Variants in FRYL observed in about 807,000 individuals in gnomAD.
FRYL encodes the protein FRY like transcription coactivator.
A neutral mutation model predicts 351.2 loss-of-function variants in FRYL; 150 were observed. The ratio of observed to expected loss-of-function variants is 0.43; its 90% confidence interval spans 0.37 to 0.49. The LOEUF is 0.49. Ranked by LOEUF, FRYL falls within the 20% of genes least tolerant of loss-of-function variation. The pLI, the probability that FRYL is intolerant of heterozygous loss-of-function variation, is 0.00. For missense variants in FRYL, 3,036 were observed against 3,619.3 expected, an observed-to-expected ratio of 0.84 and a Z score of 4.13; for synonymous variants, 1,153 against 1,257.1, an observed-to-expected ratio of 0.92 and a Z score of 1.75.
intron 1 of FRYL, among the ~76,000 whole-genome samples, chr4:48,718,766 T>C (rs954608): frequency 0.033 from 4,929 of 151,502 alleles, 310 homozygotes; most frequent in African/African-American, 0.11. Context: ...GCATTTTTTT[T>C]CACATATCTC....
At chr4:48,739,566 A>G (rs113280799) in intron 1 of FRYL, among the ~76,000 whole-genome samples, 1 of 152,152 alleles carries the variant, frequency 6.6e-6, no homozygotes, top group South Asian at 2.1e-4. Context: ...CACAAAAAAA[A>G]AACTCAAAAT....
chr4:48,610,658 GTA>G (rs887126960), intron 7 of FRYL, among the ~76,000 whole-genome samples: 11 of 141,374 alleles, frequency 7.8e-5, no homozygotes, highest in African/African-American at 2.9e-4. Flanking sequence ...TGTATATATT[GTA>G]TATATACATA....
intron 26 of FRYL, chr4:48,571,734 C>T (rs1738374980): frequency 3.1e-6 from 3 of 971,406 alleles, no homozygotes; most frequent in South Asian, 9.5e-5. Context: ...TCATTTGAAA[C>T]AGGATGATTT....
intron 18 of FRYL, among the ~76,000 whole-genome samples, chr4:48,589,377 ATT>A (rs58252414): frequency 0.48 from 70,605 of 146,632 alleles, 17,024 homozygotes; most frequent in Admixed American, 0.61. Flanking sequence ...GATTTTCAGG[ATT>A]TTTTTTTTTT....
intron 27 of FRYL, among the ~76,000 whole-genome samples, chr4:48,568,918 C>A (rs1737538665): frequency 6.6e-6 from 1 of 152,086 alleles, no homozygotes; most frequent in Admixed American, 6.5e-5. Flanking sequence ...ACTAGGTGAA[C>A]AAAACAAAGC....
intron 3 of FRYL, among the ~76,000 whole-genome samples, chr4:48,676,547 ATTTTTTT>A (rs60426434): frequency 2.2e-5 from 3 of 136,112 alleles, no homozygotes; most frequent in Non-Finnish European, 3.2e-5. Flanking sequence ...AGGCCCGGCT[ATTTTTTT>A]TTTTTTTTTT....
chr4:48,594,110 T>C (rs941363093), intron 15 of FRYL, 94 bp from the exon 16 acceptor site: 3 of 680,496 alleles, frequency 4.4e-6, no homozygotes, highest in Non-Finnish European at 7.0e-6. Context: ...CAAGACAGGT[T>C]TGTGCCCTTA....
At chr4:48,695,914 A>G (rs1766115129) in intron 2 of FRYL, among the ~76,000 whole-genome samples, 1 of 152,236 alleles carries the variant, frequency 6.6e-6, no homozygotes, top group Non-Finnish European at 1.5e-5. Context: ...CAGCCAACAA[A>G]TATATGAAAA....
chr4:48,632,448 A>G (rs1174288219), intron 4 of FRYL, among the ~76,000 whole-genome samples: 1 of 150,736 alleles, frequency 6.6e-6, no homozygotes, highest in African/African-American at 2.4e-5. Context: ...GAAAACTAAC[A>G]TTTTGTAGTT....
chr4:48,677,771 A>G (rs1763959684), intron 3 of FRYL, among the ~76,000 whole-genome samples: 1 of 152,242 alleles, frequency 6.6e-6, no homozygotes, highest in Admixed American at 6.5e-5. Context: ...AACTGATTCA[A>G]GTATAAAGCT....
At chr4:48,713,021 G>C (rs1015932117) in intron 1 of FRYL, among the ~76,000 whole-genome samples, 2 of 151,884 alleles carry the variant, frequency 1.3e-5, no homozygotes, top group African/African-American at 4.8e-5. Flanking sequence ...TTACAGACAA[G>C]CAAATGCTGA....
At position 48,510,942 on chromosome 4, in the gene FRYL, T is replaced by C; in HGVS notation, c.8188A>G (p.Ser2730Gly). The stretch of plus-strand genomic sequence containing the variant: ...CGTTGCAGACTATCACCAAGAAAGC[T>C]GACTGCCTCATTAGTTATTTCTCCA... Reference protein sequence around the residue: ...KFGEITNEAVSFLGDSLQRIG... With the variant: ...KFGEITNEAVGFLGDSLQRIG... The change falls in exon 58 of 64, where the codon AGC becomes GGC. Residue 2730 changes from serine (S) to glycine (G), a missense_variant. Around this residue, in one of 7 missense-constraint regions of FRYL, gnomAD observed 1,987 missense variants for 2,311.7 expected, o/e 0.86. Coordinates refer to ENST00000358350, the MANE Select transcript of FRYL (RefSeq NM_015030.2). 1 of 1,612,774 alleles carries C rather than the reference T, an allele frequency of 6.2e-7. No homozygotes were observed. The highest frequency in any genetic ancestry group is 8.5e-7 in the Non-Finnish European group (1 of 1,179,060).
At position 48,527,546 on chromosome 4, in the gene FRYL, A is replaced by T; in HGVS notation, c.7248T>A (p.Asn2416Lys). ...NQEEEVAVEDNSSEQQFGVFK... is the reference protein window; with the variant it reads ...NQEEEVAVEDKSSEQQFGVFK... ...AAACACCAAACTGTTGTTCACTGCT[A>T]TTATCTTCCACAGCTACTTCTTCCT... Residue 2416 changes from asparagine to lysine, a missense_variant, in exon 53 of 64, where the codon AAT (asparagine) becomes AAA (lysine). Physicochemically the swap from Asn to Lys is moderately conservative, Grantham distance 94. This residue lies in a region of FRYL where 1,987 missense variants were observed against 2,311.7 expected (regional missense o/e 0.86). Coordinates refer to ENST00000358350, the MANE Select transcript of FRYL (RefSeq NM_015030.2). 1 of 1,613,224 alleles carries T rather than the reference A, an allele frequency of 6.2e-7. No individual in the cohort carries two copies. Among genetic ancestry groups the T allele is most frequent in the Non-Finnish European group, 8.5e-7 (1 of 1,179,506 alleles).
At chr4:48,611,211 C>T (rs1182535916) in intron 7 of FRYL, among the ~76,000 whole-genome samples, 1 of 152,026 alleles carries the variant, frequency 6.6e-6, no homozygotes, top group Non-Finnish European at 1.5e-5. Flanking sequence ...CACTTTAAAT[C>T]ATCTCTATCT....
intron 1 of FRYL, among the ~76,000 whole-genome samples, chr4:48,726,438 T>C (rs1340485688): frequency 6.6e-6 from 1 of 152,096 alleles, no homozygotes; most frequent in African/African-American, 2.4e-5. Flanking sequence ...TCCCAGCACT[T>C]TGGGAGGCCG....
chr4:48,540,519 C>T lies in FRYL; in HGVS notation c.6129G>A (p.Lys2043=). ...LPLDKSESRE[K]IENVQSKLKW... ...TCAATTTGCTTTGTACATTTTCAAT[C>T]TTCTCTCGACTCTCTGATTTATCCA... The change falls in exon 46 of 64, where the codon AAG becomes AAA. Residue 2043 remains lysine (K), a synonymous_variant. Coordinates refer to ENST00000358350, the MANE Select transcript of FRYL (RefSeq NM_015030.2). The T allele has an allele frequency of 6.2e-7, 1 of 1,614,082 alleles. No homozygotes were observed.
rs372218100 is a variant in FRYL at position 48,606,847 on chromosome 4, TATA to T, written c.573-244_573-242del. ...AGAAATAATAGGATTTCTTTATTCC[TATA>T]ATATTATCAAGACACCACCATTACC... On this transcript the variant is annotated intron_variant, in intron 9 of 63. Transcript: ENST00000358350. Among the ~76,000 whole-genome samples the T allele has an allele frequency of 3.1e-3, 471 of 152,300 alleles. 4 individuals are homozygous for T. Among genetic ancestry groups the T allele is most frequent in the African/African-American group, 0.01 (426 of 41,562 alleles).
At chr4:48,671,075 A>T (rs1267409726) in intron 3 of FRYL, among the ~76,000 whole-genome samples, 3 of 152,164 alleles carry the variant, frequency 2.0e-5, no homozygotes, top group African/African-American at 7.2e-5. Flanking sequence ...AATAGTGTAC[A>T]AGGGTTCGCT....
At chr4:48,715,058 G>C (rs1380973261) in intron 1 of FRYL, among the ~76,000 whole-genome samples, 2 of 152,278 alleles carry the variant, frequency 1.3e-5, no homozygotes, top group African/African-American at 4.8e-5. Flanking sequence ...ACAGGCCTTT[G>C]ACTAAATTCA....
Sources: gnomAD v4.1 joint callset for allele counts (sites outside exome capture counted in the v4.1 genomes callset) on GRCh38, gnomAD v4.1.1 for gene constraint, gnomAD v4.1.1 regional missense constraint, MANE v1.5 for transcripts, NCBI Gene and HGNC (gene_info 2026-07-23, HGNC 2026-07-21) for gene names.